Variants in PXK observed in about 807,000 individuals in gnomAD.
PXK encodes PX domain containing serine/threonine kinase like, also known as PX domain-containing protein kinase-like protein.
Under a neutral mutation model 84.7 loss-of-function variants are expected in PXK, and 35 were observed. The observed-to-expected ratio is 0.41, with a 90% confidence interval of 0.32 to 0.55. The LOEUF (loss-of-function observed/expected upper bound fraction) is 0.55. PXK is among the 20% of genes least tolerant of loss of function. The probability of loss-of-function intolerance (pLI) is 0.21; values close to 1 mark genes in which losing one functional copy is unlikely to be tolerated. For missense variants in PXK, 634 were observed against 699.7 expected, an observed-to-expected ratio of 0.91 and a Z score of 1.06; for synonymous variants, 253 against 260.8, an observed-to-expected ratio of 0.97 and a Z score of 0.29.
chr3:58,423,466 T>C lies in PXK; in HGVS notation c.1529-1286T>C, dbSNP rs760587952. On this transcript the variant is annotated intron_variant, in intron 17 of 17. Coordinates refer to ENST00000356151, the MANE Select transcript of PXK (RefSeq NM_017771.5). Reference sequence around the variant, plus strand: ...GTGTGATTCTTTAATTTCAGCTGCCTTAGGTTTGAGTAAAAGATGTAAAGA... The same window carrying C: ...GTGTGATTCTTTAATTTCAGCTGCCCTAGGTTTGAGTAAAAGATGTAAAGA... The C allele has an allele frequency of 4.3e-4, 661 of 1,531,024 alleles. 1 individual carries two copies. The highest frequency in any genetic ancestry group is 5.4e-4 in the Non-Finnish European group (619 of 1,142,340). The allele number at this position is 1,531,024 out of a possible 1,614,324, so 94.8% of individuals were successfully genotyped here.
intron 1 of PXK, among the ~76,000 whole-genome samples, chr3:58,348,260 TG>T (rs1380199223): frequency 3.9e-5 from 6 of 152,200 alleles, no homozygotes; most frequent in Non-Finnish European, 8.8e-5. Context: ...ATCCCTAAGC[TG>T]ATCTGTTGTC....
In PXK at chr3:58,390,792, C is replaced by A; in HGVS notation, c.466+133C>A. 1 of 772,290 alleles carries A rather than the reference C, an allele frequency of 1.3e-6. No homozygotes were observed. The highest frequency in any genetic ancestry group is 2.0e-6 in the Non-Finnish European group (1 of 490,118). 47.8% of individuals were successfully genotyped at this position (772,290 alleles called of 1,614,324 possible). On this transcript the variant is annotated intron_variant, in intron 5 of 17. Coordinates refer to ENST00000356151, the MANE Select transcript of PXK (RefSeq NM_017771.5). This position sits in a 1 kb window ranked among gnomAD's most constrained non-coding sequence, Gnocchi z 4.2. ...TCTTTTTCTTTTTGCATATCAACTG[C>A]TTGAGGATACAGCTGGTAACTTTTA...
intron 1 of PXK, among the ~76,000 whole-genome samples, chr3:58,362,672 C>G (rs2098207881): frequency 6.6e-6 from 1 of 152,222 alleles, no homozygotes; most frequent in African/African-American, 2.4e-5. Context: ...GTCTTGATTA[C>G]TGTATTGATG....
chr3:58,425,056 C>T lies in PXK; in HGVS notation c.*96C>T. The T allele has an allele frequency of 6.7e-7, 1 of 1,495,996 alleles. No homozygotes were observed. Among genetic ancestry groups the T allele is most frequent in the Middle Eastern group, 1.8e-4 (1 of 5,698 alleles). The allele number at this position is 1,495,996 out of a possible 1,614,324, so 92.7% of individuals were successfully genotyped here. A position where few individuals can be genotyped will look rare whatever the true frequency, so the allele number is the denominator to read the frequency against. On this transcript the variant is annotated 3_prime_UTR_variant, in exon 18 of 18. Transcript: ENST00000356151. ...TCTTCCTGGGAAAGTAATTGCTGAG[C>T]CAGTACAGCCACAAACAGTACTATT...
chr3:58,385,991 G>T lies in PXK; in HGVS notation c.388+3291G>T, dbSNP rs373016281. 1.4e-4 allele frequency among the ~76,000 whole-genome samples: 21 copies of T among 152,248 alleles called. 1 individual carries two copies. Among genetic ancestry groups the T allele is most frequent in the African/African-American group, 5.1e-4 (21 of 41,544 alleles). Reference sequence around the variant, plus strand: ...GTCTTGTTGGAGGGGGACTGTGATGGCATTCTGCTCCCAGGGGATGGCTAA... The same window carrying T: ...GTCTTGTTGGAGGGGGACTGTGATGTCATTCTGCTCCCAGGGGATGGCTAA... On this transcript the variant is annotated intron_variant, in intron 4 of 17. Coordinates refer to ENST00000356151, the MANE Select transcript of PXK (RefSeq NM_017771.5). This position sits in a 1 kb window ranked among gnomAD's most constrained non-coding sequence, Gnocchi z 5.1.
Position 58,409,704 on chromosome 3 carries a change from A to T in PXK, c.1395+86A>T. On this transcript the variant is annotated intron_variant, in intron 15 of 17. Coordinates refer to ENST00000356151, the MANE Select transcript of PXK (RefSeq NM_017771.5). The surrounding 1 kb of genome is among the most constrained non-coding windows in gnomAD (Gnocchi z 4.2). Reference sequence around the variant, plus strand: ...CTAGGTTAATGGTGCCCATTTAATGACAGATGCTGTGCTATATCTCCTTGA... The same window carrying T: ...CTAGGTTAATGGTGCCCATTTAATGTCAGATGCTGTGCTATATCTCCTTGA... 9.2e-7 allele frequency: 1 copy of T among 1,085,872 alleles called. No homozygotes were observed. Among genetic ancestry groups the T allele is most frequent in the South Asian group, 1.5e-5 (1 of 66,972 alleles). 67.3% of individuals were successfully genotyped at this position (1,085,872 alleles called of 1,614,324 possible). A position where few individuals can be genotyped will look rare whatever the true frequency, so the allele number is the denominator to read the frequency against.
rs1420722208 is a variant in PXK, at chr3:58,401,020, A to G, written c.1181+1643A>G. On this transcript the variant is annotated intron_variant, in intron 12 of 17. Coordinates refer to ENST00000356151, the MANE Select transcript of PXK (RefSeq NM_017771.5). This position sits in a 1 kb window ranked among gnomAD's most constrained non-coding sequence, Gnocchi z 4.4. The stretch of plus-strand genomic sequence containing the variant: ...TGCACTTGTACTTAGGAAATAGCCT[A>G]TATACAGGTTGATTTACTTGAGTTT... Among the ~76,000 whole-genome samples the G allele has an allele frequency of 6.6e-6, 1 of 152,234 alleles. No homozygotes were observed. The highest frequency in any genetic ancestry group is 2.4e-5 in the African/African-American group (1 of 41,478).
rs1003163776 is a variant in PXK at position 58,399,060 on chromosome 3, A to T, written c.1103-239A>T. On this transcript the variant is annotated intron_variant, in intron 11 of 17. Transcript: ENST00000356151. The surrounding 1 kb of genome is among the most constrained non-coding windows in gnomAD (Gnocchi z 4.3). ...AATCCTTCCTCCAGTTATCTTTGAAATATATTTAGCTTTCTGTCAGCATGT... is the reference window on the plus strand; with the variant it reads ...AATCCTTCCTCCAGTTATCTTTGAATTATATTTAGCTTTCTGTCAGCATGT... 1.3e-5 allele frequency among the ~76,000 whole-genome samples: 2 copies of T among 152,210 alleles called. No individual in the cohort carries two copies. The highest frequency in any genetic ancestry group is 2.9e-5 in the Non-Finnish European group (2 of 68,034).
In PXK at chr3:58,370,999, CA is replaced by C. The variant is rs2098362229; in HGVS notation, c.201+1527del. Among the ~76,000 whole-genome samples the C allele has an allele frequency of 6.6e-6, 1 of 152,088 alleles. No individual in the cohort carries two copies. The highest frequency in any genetic ancestry group is 2.1e-4 in the South Asian group (1 of 4,820). Reference sequence around the variant, plus strand: ...TGGGCAATAGAGCAAGACTCTGTCTCAAAAAACAAACAAACAAAAAAGGAAA... The same window carrying C: ...TGGGCAATAGAGCAAGACTCTGTCTCAAAAACAAACAAACAAAAAAGGAAA... On this transcript the variant is annotated intron_variant, in intron 3 of 17. Coordinates refer to ENST00000356151, the MANE Select transcript of PXK (RefSeq NM_017771.5). The surrounding 1 kb of genome is among the most constrained non-coding windows in gnomAD (Gnocchi z 4.2).
intron 17 of PXK, chr3:58,422,065 G>A (rs2061963076): frequency 6.1e-6 from 6 of 985,386 alleles, no homozygotes; most frequent in Non-Finnish European, 7.2e-6. Context: ...CTTTCATTTG[G>A]CCCTTGTTGC....
At position 58,381,555 on chromosome 3, in the gene PXK, C is replaced by CAAAAAAAAAAAAA. The variant is rs34125797; in HGVS notation, c.202-953_202-941dup. 1.7e-5 allele frequency among the ~76,000 whole-genome samples: 2 copies of CAAAAAAAAAAAAA among 120,918 alleles called. 1 individual carries two copies. The highest frequency in any genetic ancestry group is 3.3e-5 in the Non-Finnish European group (2 of 61,028). 79.3% of individuals were successfully genotyped at this position (120,918 alleles called of 152,430 possible). ...GAGACTTTCAAGTTGAATAGAAAAC[C>CAAAAAAAAAAAAA]AAAAAAAAAAAAAAAAAAGACTACA... On this transcript the variant is annotated intron_variant, in intron 3 of 17. Transcript: ENST00000356151.
At chr3:58,422,346 T>C (rs1444979159) in intron 17 of PXK, 1 of 985,202 alleles carries the variant, frequency 1.0e-6, no homozygotes. Flanking sequence ...AGAGCCACCA[T>C]GGTTGTTGTA....
At chr3:58,346,311 G>A (rs2107874264) in intron 1 of PXK, among the ~76,000 whole-genome samples, 1 of 152,238 alleles carries the variant, frequency 6.6e-6, no homozygotes, top group African/African-American at 2.4e-5. Flanking sequence ...GCAGTGGAAA[G>A]GGTGAAGGAA....
chr3:58,404,620 A>T (rs1311617702), intron 13 of PXK, among the ~76,000 whole-genome samples: 1 of 152,192 alleles, frequency 6.6e-6, no homozygotes, highest in Non-Finnish European at 1.5e-5. Context: ...TGAGTAATGC[A>T]TGTCTGTTGT....
At position 58,397,709 on chromosome 3, in the gene PXK, G is replaced by A. The variant is rs759309199; in HGVS notation, c.1089G>A (p.Pro363=). 1.1e-5 allele frequency: 17 copies of A among 1,613,294 alleles called. No homozygotes were observed. In the East Asian group the frequency reaches 1.1e-4, roughly 11 times the overall value. Residue 363 remains proline (P), a synonymous_variant, in exon 11 of 18, where the codon CCG becomes CCA. Coordinates refer to ENST00000356151, the MANE Select transcript of PXK (RefSeq NM_017771.5). The surrounding 1 kb of genome is among the most constrained non-coding windows in gnomAD (Gnocchi z 4.7). ...SVPVDSFPPA[P]SMAVVAVLES... ...CTGTGGACTCCTTCCCTCCTGCCCC[G>A]TCCATGGCTGTGGGTCAGTATGGGG...
Position 58,397,750 on chromosome 3 carries a change from T to G in PXK, c.1102+28T>G. ...CAGTATGGGGTTGGGAAGGGTCTTC[T>G]GGGCCCTAGTAGTGTGCAGAGCCAC... On this transcript the variant is annotated intron_variant, in intron 11 of 17. Transcript: ENST00000356151. The surrounding 1 kb of genome is among the most constrained non-coding windows in gnomAD (Gnocchi z 4.7). The G allele has an allele frequency of 6.4e-7, 1 of 1,554,186 alleles. No homozygotes were observed. Among genetic ancestry groups the G allele is most frequent in the Non-Finnish European group, 8.9e-7 (1 of 1,126,110 alleles).
Position 58,424,964 on chromosome 3 carries a change from T to C in PXK, c.*4T>C, listed in dbSNP as rs1435514084. The C allele has an allele frequency of 6.2e-7, 1 of 1,613,886 alleles. No homozygotes were observed. Among genetic ancestry groups the C allele is most frequent in the African/African-American group, 1.3e-5 (1 of 74,924 alleles). On this transcript the variant is annotated 3_prime_UTR_variant, in exon 18 of 18. Transcript: ENST00000356151. ...CAGTGCTCCGAAGATCGGCTGAAGCTTCCTGTTTACACTTGGAGGGAAAAG... is the reference window on the plus strand; with the variant it reads ...CAGTGCTCCGAAGATCGGCTGAAGCCTCCTGTTTACACTTGGAGGGAAAAG...
chr3:58,355,746 G>A (rs902088554), intron 1 of PXK, among the ~76,000 whole-genome samples: 1 of 152,208 alleles, frequency 6.6e-6, no homozygotes, highest in African/African-American at 2.4e-5. Context: ...GCACCCTCAG[G>A]TAAGAGTCAG....
intron 3 of PXK, among the ~76,000 whole-genome samples, chr3:58,381,304 T>G (rs1005624115): frequency 6.8e-6 from 1 of 146,726 alleles, no homozygotes; most frequent in Non-Finnish European, 1.5e-5. Context: ...AACAAGGGAA[T>G]TATGTACAAA....
Sources: gnomAD v4.1 joint callset for allele counts (sites outside exome capture counted in the v4.1 genomes callset) on GRCh38, gnomAD v4.1.1 for gene constraint, Gnocchi (gnomAD v3.1) non-coding constraint, MANE v1.5 for transcripts, NCBI Gene and HGNC (gene_info 2026-07-23, HGNC 2026-07-21) for gene names.